Variants in PDE9A observed in about 807,000 individuals in gnomAD.
PDE9A encodes the protein phosphodiesterase 9A.
A neutral mutation model predicts 87.4 loss-of-function variants in PDE9A; 60 were observed. The observed-to-expected ratio is 0.69, with a 90% CI of 0.56 to 0.85. The LOEUF (loss-of-function observed/expected upper bound fraction) is 0.85. Among genes scored for constraint, PDE9A ranks in the 40% least tolerant of loss-of-function variants. The probability of loss-of-function intolerance (pLI) is 0.00; values close to 1 mark genes in which losing one functional copy is unlikely to be tolerated. For synonymous variants in PDE9A, 272 were observed against 279.4 expected (o/e 0.97, Z 0.27); for missense variants, 665 against 779.0 (o/e 0.85, Z 1.74).
chr21:42,720,609 CTT>C (rs1284404803), intron 4 of PDE9A, among the ~76,000 whole-genome samples: 2 of 152,214 alleles, frequency 1.3e-5, no homozygotes, highest in African/African-American at 4.8e-5. Flanking sequence ...TCTGTCCCGT[CTT>C]TGCAGCTCTA....
chr21:42,732,352 T>G (rs574913213), intron 6 of PDE9A, among the ~76,000 whole-genome samples: 20 of 152,310 alleles, frequency 1.3e-4, no homozygotes, highest in African/African-American at 3.8e-4. Context: ...GTTGAGTGGG[T>G]GCATTAGAAT....
At chr21:42,768,083 G>A in intron 15 of PDE9A, 105 bp from the exon 16 acceptor site, 2 of 730,054 alleles carry the variant, frequency 2.7e-6, no homozygotes, top group African/African-American at 1.7e-5. Flanking sequence ...GGTCCAGCAG[G>A]TCCTCCGTCT....
chr21:42,698,398 C>T (rs977629628), intron 3 of PDE9A, among the ~76,000 whole-genome samples: 1 of 152,216 alleles, frequency 6.6e-6, no homozygotes, highest in East Asian at 1.9e-4. Flanking sequence ...CCTTCCCTGC[C>T]TCTTGGCCAG....
Position 42,719,603 on chromosome 21 carries a change from G to GC in PDE9A, c.263-12164dup, listed in dbSNP as rs1421810293. The stretch of plus-strand genomic sequence containing the variant: ...TGCAGTGAGCCGAGATGGCGCCACT[G>GC]CCCTCCAGCCTGGGTGACAGAGTGA... On this transcript the variant is annotated intron_variant, in intron 4 of 19. Transcript: ENST00000291539. Among the ~76,000 whole-genome samples, 11 of 143,624 alleles carry GC rather than the reference G, an allele frequency of 7.7e-5. No individual in the cohort carries two copies. In the South Asian group the frequency reaches 2.1e-3, roughly 27 times the overall value. The allele number at this position is 143,624 out of a possible 152,430, so 94.2% of individuals were successfully genotyped here.
At chr21:42,678,247 C>T (rs541579309) in intron 1 of PDE9A, among the ~76,000 whole-genome samples, 4 of 152,214 alleles carry the variant, frequency 2.6e-5, no homozygotes, top group African/African-American at 4.8e-5. Flanking sequence ...TCTGTTATTA[C>T]CAGCCCTTCT....
At chr21:42,690,415 A>G (rs911337129) in intron 3 of PDE9A, among the ~76,000 whole-genome samples, 5 of 152,102 alleles carry the variant, frequency 3.3e-5, no homozygotes, top group African/African-American at 1.2e-4. Flanking sequence ...TGTGATCTAG[A>G]TAATGTGGCT....
At position 42,768,196 on chromosome 21, in the gene PDE9A, G is replaced by T; in HGVS notation, c.1365G>T (p.Met455Ile). 2 of 1,602,524 alleles carry T rather than the reference G, an allele frequency of 1.2e-6. No homozygotes were observed. Among genetic ancestry groups the T allele is most frequent in the South Asian group, 1.1e-5 (1 of 90,874 alleles). ...SNEEHMTLLK[M>I]ILIKCCDISN... ...AAAATCTCTTCTTTCAGCTGAAGATGATTTTGATAAAATGCTGTGATATCT... is the reference window on the plus strand; with the variant it reads ...AAAATCTCTTCTTTCAGCTGAAGATTATTTTGATAAAATGCTGTGATATCT... Residue 455 changes from methionine to isoleucine, a missense_variant, in exon 16 of 20, where the codon ATG becomes ATT. Physicochemically the swap from Met to Ile is conservative, Grantham distance 10. Transcript: ENST00000291539.
At chr21:42,677,304 G>T (rs2058898762) in intron 1 of PDE9A, among the ~76,000 whole-genome samples, 1 of 152,228 alleles carries the variant, frequency 6.6e-6, no homozygotes, top group African/African-American at 2.4e-5. Flanking sequence ...GCAAGACAAT[G>T]AACATAATTG....
chr21:42,754,057 C>A lies in PDE9A; in HGVS notation c.803C>A (p.Pro268His). The change falls in exon 10 of 20, where the codon CCC becomes CAC. Residue 268 changes from proline to histidine, a missense_variant. Physicochemically the swap from Pro to His is moderately conservative, Grantham distance 77. Transcript: ENST00000291539. ...ACCTTTGACGTCTGGCTTTGGGAGC[C>A]CAATGAGGTAAGTGCGGGGCTTGCA... is the stretch of plus-strand genomic sequence containing the variant. ...KPTFDVWLWE[P>H]NEMLSCLEHM... The A allele has an allele frequency of 6.2e-7, 1 of 1,611,302 alleles. No individual in the cohort carries two copies. Among genetic ancestry groups the A allele is most frequent in the Non-Finnish European group, 8.5e-7 (1 of 1,177,786 alleles).
intron 1 of PDE9A, among the ~76,000 whole-genome samples, chr21:42,677,509 G>C (rs1203919031): frequency 6.6e-6 from 1 of 152,204 alleles, no homozygotes. Context: ...CGCTGTCTTA[G>C]GGAGGCACCT....
Position 42,742,133 on chromosome 21 carries a change from A to T in PDE9A, c.569-1643A>T, listed in dbSNP as rs151327678. 2.5e-3 allele frequency among the ~76,000 whole-genome samples: 375 copies of T among 152,250 alleles called. 6 individuals are homozygous for T. Among genetic ancestry groups the T allele is most frequent in the East Asian group, 0.01 (54 of 5,182 alleles). Reference sequence around the variant, plus strand: ...ACGCTCGCTCGGAGGCATAAGCTCCAGTTTGTTTTTGGTTGAAAAATAGTA... The same window carrying T: ...ACGCTCGCTCGGAGGCATAAGCTCCTGTTTGTTTTTGGTTGAAAAATAGTA... On this transcript the variant is annotated intron_variant, in intron 7 of 19. Coordinates refer to ENST00000291539, the MANE Select transcript of PDE9A (RefSeq NM_002606.3).
Position 42,726,592 on chromosome 21 carries a change from CCATA to C in PDE9A, c.263-5177_263-5174del, listed in dbSNP as rs1240758324. Among the ~76,000 whole-genome samples the C allele has an allele frequency of 7.0e-4, 52 of 74,206 alleles. 1 individual carries two copies. Among genetic ancestry groups the C allele is most frequent in the African/African-American group, 2.8e-3 (39 of 13,928 alleles). The allele number at this position is 74,206 out of a possible 152,430, so 48.7% of individuals were successfully genotyped here. Reference sequence around the variant, plus strand: ...TATTACTGAATGCCACCACGCCTGGCCATATATATATATATATATATATATATAT... The same window carrying C: ...TATTACTGAATGCCACCACGCCTGGCTATATATATATATATATATATATAT... On this transcript the variant is annotated intron_variant, in intron 4 of 19. Coordinates refer to ENST00000291539, the MANE Select transcript of PDE9A (RefSeq NM_002606.3).
intron 4 of PDE9A, among the ~76,000 whole-genome samples, chr21:42,719,770 C>T (rs1319814119): frequency 1.3e-5 from 2 of 152,042 alleles, no homozygotes; most frequent in East Asian, 1.9e-4. Context: ...GTTTTTACAG[C>T]GATCAGATGG....
In PDE9A at chr21:42,759,881, C is replaced by T. The variant is rs1331708206; in HGVS notation, c.898-447C>T. Among the ~76,000 whole-genome samples the T allele has an allele frequency of 6.7e-6, 1 of 149,476 alleles. No individual in the cohort carries two copies. Among genetic ancestry groups the T allele is most frequent in the Admixed American group, 6.8e-5 (1 of 14,686 alleles). ...TGGGTGTGTGCATGTGGGTGTCTGC[C>T]TGTGTGAATATGTTTGGCAGCAGGT... On this transcript the variant is annotated intron_variant, in intron 11 of 19. Transcript: ENST00000291539. This position sits in a 1 kb window ranked among gnomAD's most constrained non-coding sequence, Gnocchi z 7.2.
chr21:42,736,211 G>A (rs763254363), intron 7 of PDE9A, among the ~76,000 whole-genome samples: 7 of 152,084 alleles, frequency 4.6e-5, no homozygotes, highest in African/African-American at 7.2e-5. Context: ...AGGCCATGTC[G>A]TAACTCTCAA....
rs371382784 is a variant in PDE9A at position 42,760,299 on chromosome 21, G to A, written c.898-29G>A. 2.9e-6 allele frequency: 4 copies of A among 1,386,372 alleles called. No individual in the cohort carries two copies. The African/African-American group carries it at 4.2e-5, about 14-fold the overall frequency. 85.9% of individuals were successfully genotyped at this position (1,386,372 alleles called of 1,614,324 possible). A position where few individuals can be genotyped will look rare whatever the true frequency, so the allele number is the denominator to read the frequency against. On this transcript the variant is annotated intron_variant, in intron 11 of 19. Coordinates refer to ENST00000291539, the MANE Select transcript of PDE9A (RefSeq NM_002606.3). The surrounding 1 kb of genome is among the most constrained non-coding windows in gnomAD (Gnocchi z 5.2). ...GGAGAGGTGGGCGGGCCCAGGCACA[G>A]GGTGACTCGGACCCCCTGCCTCCCG...
chr21:42,686,385 C>T (rs2059475115), intron 2 of PDE9A, 123 bp downstream of exon 2: 1 of 734,236 alleles, frequency 1.4e-6, no homozygotes, highest in East Asian at 2.6e-5. Flanking sequence ...ACAAGGGGCT[C>T]TTCGAAATCA....
chr21:42,745,955 C>T (rs1391288955), intron 8 of PDE9A, among the ~76,000 whole-genome samples: 1 of 152,242 alleles, frequency 6.6e-6, no homozygotes, highest in Non-Finnish European at 1.5e-5. Context: ...GGAGCCAGGC[C>T]ATGCCTCCCG....
chr21:42,721,838 C>G (rs2050560520), intron 4 of PDE9A, among the ~76,000 whole-genome samples: 1 of 151,196 alleles, frequency 6.6e-6, no homozygotes, highest in Admixed American at 6.6e-5. Flanking sequence ...GCACCCTGCT[C>G]CCACCCCCCA....
Sources: gnomAD v4.1 joint callset for allele counts (sites outside exome capture counted in the v4.1 genomes callset) on GRCh38, gnomAD v4.1.1 for gene constraint, Gnocchi (gnomAD v3.1) non-coding constraint, MANE v1.5 for transcripts, NCBI Gene and HGNC (gene_info 2026-07-23, HGNC 2026-07-21) for gene names.